GLRA3: variants seen among roughly 807,000 people sequenced by gnomAD.
GLRA3 encodes the protein glycine receptor subunit alpha-3.
In GLRA3, 44 loss-of-function variants were observed where a neutral mutation model predicts 60.4. That is an observed-to-expected ratio of 0.73 (90% CI 0.57 to 0.94). The LOEUF (loss-of-function observed/expected upper bound fraction) is 0.94, where lower values mean the gene tolerates loss of function less well. Among genes scored for constraint, GLRA3 ranks in the 40% least tolerant of loss-of-function variants. The pLI is 0.00. For missense variants in GLRA3, 508 were observed against 564.6 expected (o/e 0.90, Z 1.02); for synonymous variants, 223 against 192.9 (o/e 1.16, Z -1.29).
chr4:174,726,697 T>C (rs571319471), intron 4 of GLRA3, among the ~76,000 whole-genome samples: 1 of 152,314 alleles, frequency 6.6e-6, no homozygotes, highest in African/African-American at 2.4e-5. Flanking sequence ...CCTGTGCTTA[T>C]ATCCACCACT....
chr4:174,808,317 T>G (rs774814051), intron 1 of GLRA3, among the ~76,000 whole-genome samples: 2 of 152,090 alleles, frequency 1.3e-5, no homozygotes, highest in African/African-American at 2.4e-5. Context: ...AGGATTATAA[T>G]GAAGCTGAAA....
chr4:174,759,412 G>C (rs1737853254), intron 3 of GLRA3, among the ~76,000 whole-genome samples: 1 of 151,970 alleles, frequency 6.6e-6, no homozygotes, highest in Non-Finnish European at 1.5e-5. Context: ...AATTTATGAG[G>C]CATATGCCTT....
intron 1 of GLRA3, among the ~76,000 whole-genome samples, chr4:174,801,129 T>C (rs893968044): frequency 2.3e-4 from 35 of 151,976 alleles, no homozygotes; most frequent in African/African-American, 8.5e-4. Context: ...TTATGATGAG[T>C]TTATCAAGAT....
chr4:174,659,033 C>T (rs370497572), intron 8 of GLRA3, 21 bp downstream of exon 8: 17 of 1,601,958 alleles, frequency 1.1e-5, no homozygotes, highest in African/African-American at 1.3e-5. Context: ...TCTGCCAAAC[C>T]CAATACGTTT....
chr4:174,766,911 T>A (rs1416659946), intron 3 of GLRA3, 52 bp downstream of exon 3: 6 of 868,328 alleles, frequency 6.9e-6, no homozygotes, highest in Non-Finnish European at 1.1e-5. Flanking sequence ...TTGCCATTAA[T>A]GTAATTACAG....
chr4:174,752,485 T>C (rs761611736), intron 3 of GLRA3, among the ~76,000 whole-genome samples: 2 of 152,094 alleles, frequency 1.3e-5, no homozygotes, highest in African/African-American at 4.8e-5. Context: ...CTTAGCATCA[T>C]TAAGGAGTGG....
At chr4:174,676,688 G>C (rs978117210) in intron 7 of GLRA3, among the ~76,000 whole-genome samples, 1 of 151,726 alleles carries the variant, frequency 6.6e-6, no homozygotes, top group African/African-American at 2.4e-5. Flanking sequence ...AGTCCTAAGA[G>C]TGACTAAGTA....
chr4:174,711,096 AT>A (rs1735703047), intron 5 of GLRA3, among the ~76,000 whole-genome samples: 1 of 151,936 alleles, frequency 6.6e-6, no homozygotes, highest in Non-Finnish European at 1.5e-5. Flanking sequence ...ATAATAATGT[AT>A]GGGAATTTGT....
At chr4:174,743,427 T>A (rs970001487) in intron 3 of GLRA3, among the ~76,000 whole-genome samples, 1 of 152,146 alleles carries the variant, frequency 6.6e-6, no homozygotes, top group Non-Finnish European at 1.5e-5. Context: ...GTCTTTCATA[T>A]CCTTAACACT....
chr4:174,701,511 G>C (rs553500614), intron 5 of GLRA3, among the ~76,000 whole-genome samples: 1 of 152,280 alleles, frequency 6.6e-6, no homozygotes, highest in South Asian at 2.1e-4. Flanking sequence ...AGATCAAGGA[G>C]TAATTTTGAC....
At chr4:174,823,151 T>C (rs11932588) in intron 1 of GLRA3, among the ~76,000 whole-genome samples, 110,252 of 152,014 alleles carry the variant, frequency 0.73, 40,637 homozygotes, top group Non-Finnish European at 0.8. Flanking sequence ...ACCAGTTCTC[T>C]GGAGTTACTT....
Position 174,637,495 on chromosome 4 carries a change from T to C in GLRA3, c.*6291A>G, listed in dbSNP as rs1191688118. 1 of 152,168 alleles carries C rather than the reference T, an allele frequency of 6.6e-6. No homozygotes were observed. The highest frequency in any genetic ancestry group is 2.4e-5 in the African/African-American group (1 of 41,434). 9.4% of individuals were successfully genotyped at this position (152,168 alleles called of 1,614,324 possible). Reference sequence around the variant, plus strand: ...GCAAAATTATTCAAGCATATTCAAGTACAATTTTACATCTGAATCCTTTCC... The same window carrying C: ...GCAAAATTATTCAAGCATATTCAAGCACAATTTTACATCTGAATCCTTTCC... On this transcript the variant is annotated 3_prime_UTR_variant, in exon 10 of 10. Transcript: ENST00000274093.
At chr4:174,689,430 A>G (rs916557057) in intron 5 of GLRA3, among the ~76,000 whole-genome samples, 2 of 152,104 alleles carry the variant, frequency 1.3e-5, no homozygotes, top group Non-Finnish European at 2.9e-5. Context: ...ACTTCTTTAT[A>G]TTTTGCATAA....
intron 1 of GLRA3, among the ~76,000 whole-genome samples, chr4:174,805,340 A>G (rs1205027863): frequency 6.6e-6 from 1 of 152,108 alleles, no homozygotes. Context: ...TTGATTGTGC[A>G]TGAATTTTGT....
intron 1 of GLRA3, among the ~76,000 whole-genome samples, chr4:174,796,826 C>G (rs778316843): frequency 6.6e-6 from 1 of 152,080 alleles, no homozygotes; most frequent in East Asian, 1.9e-4. Context: ...TAAGCCACCG[C>G]GCCTGGCCCC....
chr4:174,717,692 T>G (rs1196453603), intron 4 of GLRA3, among the ~76,000 whole-genome samples: 2 of 152,160 alleles, frequency 1.3e-5, no homozygotes, highest in Non-Finnish European at 2.9e-5. Context: ...TCAAAAGGAA[T>G]TTTTCTCCTG....
chr4:174,806,591 A>G (rs1046391834), intron 1 of GLRA3, among the ~76,000 whole-genome samples: 24 of 152,142 alleles, frequency 1.6e-4, no homozygotes, highest in Admixed American at 1.5e-3. Context: ...CCTAAACAAT[A>G]GAGTATAACA....
chr4:174,656,915 T>C (rs563543157), intron 8 of GLRA3, 128 bp from the exon 9 acceptor site: 7 of 556,754 alleles, frequency 1.3e-5, no homozygotes, highest in Non-Finnish European at 2.3e-5. Context: ...TAGCAATTAA[T>C]AGATTTTCAC....
Position 174,682,824 on chromosome 4 carries a change from G to C in GLRA3, c.690C>G (p.Tyr230Ter). 1 of 1,612,700 alleles carries C rather than the reference G, an allele frequency of 6.2e-7. No individual in the cohort carries two copies. The highest frequency in any genetic ancestry group is 1.1e-5 in the South Asian group (1 of 91,052). The change falls in exon 6 of 10, where the codon TAC (tyrosine) becomes TAG (stop). Residue 230 changes from tyrosine to a stop codon, truncating the protein, a stop_gained. Coordinates refer to ENST00000274093, the MANE Select transcript of GLRA3 (RefSeq NM_006529.4). LOFTEE classifies it high-confidence loss of function. Reference sequence around the variant, plus strand: ...TACCTGTATTGTAATGTTTAGTGCAGTATCGTAAATCTTTTTCTTCTTTCA... The same window carrying C: ...TACCTGTATTGTAATGTTTAGTGCACTATCGTAAATCTTTTTCTTCTTTCA... ...FLLKEEKDLR[Y>*]CTKHYNTGKF...
Sources: allele counts gnomAD v4.1 joint callset (sites outside exome capture counted in the v4.1 genomes callset), GRCh38; gene constraint gnomAD v4.1.1; transcripts MANE v1.5; gene names NCBI Gene and HGNC (gene_info 2026-07-23, HGNC 2026-07-21).